Variants in VIL1 observed in about 807,000 individuals in gnomAD.
VIL1 encodes the protein villin-1.
Under a neutral mutation model 104.0 loss-of-function variants are expected in VIL1, and 86 were observed. The ratio of observed to expected loss-of-function variants is 0.83; its 90% confidence interval spans 0.69 to 0.99. The LOEUF (loss-of-function observed/expected upper bound fraction) is 0.99, where lower values mean the gene tolerates loss of function less well. Ranked by LOEUF, VIL1 falls within the 50% of genes least tolerant of loss-of-function variation. The pLI is 0.00. For missense variants in VIL1, 944 were observed against 1,054.1 expected (o/e 0.90, Z 1.45); for synonymous variants, 394 against 412.6 (o/e 0.95, Z 0.55).
intron 19 of VIL1, among the ~76,000 whole-genome samples, chr2:218,446,740 T>C (rs992251418): frequency 1.4e-5 from 2 of 147,988 alleles, no homozygotes; most frequent in Non-Finnish European, 3.0e-5. Flanking sequence ...GGAACATATG[T>C]TGTAATCAAG....
At chr2:218,448,990 A>G (rs945328228) in intron 19 of VIL1, among the ~76,000 whole-genome samples, 2 of 135,252 alleles carry the variant, frequency 1.5e-5, no homozygotes, top group Admixed American at 8.4e-5. Flanking sequence ...GGGCAACAGA[A>G]CAAGACATGG....
In VIL1 at chr2:218,434,650, C is replaced by T. The variant is rs768984890; in HGVS notation, c.1625C>T (p.Ser542Phe). 8 of 1,614,052 alleles carry T rather than the reference C, an allele frequency of 5.0e-6. No individual in the cohort carries two copies. The highest frequency in any genetic ancestry group is 5.9e-6 in the Non-Finnish European group (7 of 1,180,026). ...EVPARANFLN[S>F]NDVFVLKTQS... is the part of the protein sequence containing the mutation. The stretch of plus-strand genomic sequence containing the variant: ...CCAGCGCGGGCCAATTTCCTCAATT[C>T]CAATGATGTCTTTGTCCTCAAGACC... The change falls in exon 14 of 20, where the codon TCC becomes TTC. Residue 542 changes from serine to phenylalanine, a missense_variant. Ser to Phe is a radical substitution (Grantham distance 155, BLOSUM62 -2). Transcript: ENST00000248444.
At chr2:218,445,749 G>A (rs1419756845) in intron 19 of VIL1, among the ~76,000 whole-genome samples, 1 of 152,078 alleles carries the variant, frequency 6.6e-6, no homozygotes, top group Non-Finnish European at 1.5e-5. Flanking sequence ...AGAGATGAAG[G>A]CAGGGAGATG....
chr2:218,423,867 TG>T lies in VIL1; in HGVS notation c.75+17del, dbSNP rs1195963359. 2 of 1,613,958 alleles carry T rather than the reference TG, an allele frequency of 1.2e-6. No homozygotes were observed. Among genetic ancestry groups the T allele is most frequent in the Admixed American group, 3.3e-5 (2 of 60,000 alleles). ...TGGAGGATCGAGGTGAGGCCCTGTCTGGGCATGGGGGCTGCTCAGGCCTGGG... is the reference window on the plus strand; with the variant it reads ...TGGAGGATCGAGGTGAGGCCCTGTCTGGCATGGGGGCTGCTCAGGCCTGGG... On this transcript the variant is annotated intron_variant, in intron 2 of 19. Coordinates refer to ENST00000248444, the MANE Select transcript of VIL1 (RefSeq NM_007127.3).
At chr2:218,437,458 C>T (rs753970751) in intron 17 of VIL1, 146 bp downstream of exon 17, 116 of 1,104,976 alleles carry the variant, frequency 1.0e-4, no homozygotes, top group Non-Finnish European at 1.4e-4. Context: ...AGTAAGGCTG[C>T]ACTAAGGCCA....
rs1689055239 is a variant in VIL1, at chr2:218,429,360, A to G, written c.643A>G (p.Asn215Asp). The G allele has an allele frequency of 6.2e-7, 1 of 1,614,052 alleles. No individual in the cohort carries two copies. Among genetic ancestry groups the G allele is most frequent in the Non-Finnish European group, 8.5e-7 (1 of 1,180,012 alleles). Residue 215 changes from asparagine (N) to aspartate (D), a missense_variant, in exon 7 of 20, where the codon AAT becomes GAT. Asn to Asp is a conservative substitution (Grantham distance 23). Coordinates refer to ENST00000248444, the MANE Select transcript of VIL1 (RefSeq NM_007127.3). ...RTYVGVVDGENELASPKLMEV... is the reference protein window; with the variant it reads ...RTYVGVVDGEDELASPKLMEV... ...CTATGTAGGCGTGGTGGACGGAGAG[A>G]ATGAATTGGCATCCCCGAAGCTGAT...
intron 19 of VIL1, among the ~76,000 whole-genome samples, chr2:218,445,545 C>G (rs879519908): frequency 5.9e-5 from 9 of 152,050 alleles, no homozygotes; most frequent in Admixed American, 6.6e-5. Flanking sequence ...AAGTTAGAGA[C>G]TGGAGCATCA....
At chr2:218,446,217 T>C (rs1436376408) in intron 19 of VIL1, among the ~76,000 whole-genome samples, 2 of 152,088 alleles carry the variant, frequency 1.3e-5, no homozygotes, top group African/African-American at 4.8e-5. Context: ...AAAAAACTGA[T>C]GAGGATTAAC....
In VIL1 at chr2:218,425,473, G is replaced by T. The variant is rs904971914; in HGVS notation, c.151-142G>T. ...ATGGTAGAGCTGGGCCATGACTCAG[G>T]GCTCCTAACCGCCAGCCTAGTGCAC... is the stretch of plus-strand genomic sequence containing the variant. On this transcript the variant is annotated intron_variant, in intron 3 of 19. Coordinates refer to ENST00000248444, the MANE Select transcript of VIL1 (RefSeq NM_007127.3). The T allele has an allele frequency of 2.1e-5, 15 of 719,372 alleles. No homozygotes were observed. In the South Asian group the frequency reaches 2.6e-4, roughly 12 times the overall value. 44.6% of individuals were successfully genotyped at this position (719,372 alleles called of 1,614,324 possible).
At position 218,434,712 on chromosome 2, in the gene VIL1, T is replaced by G. The variant is rs375997010; in HGVS notation, c.1680+7T>G. Reference sequence around the variant, plus strand: ...CTATCTATGGTGTGGGAAGGTGTGTTCAGGGTCTAGAGGCCTCCCCATCCG... The same window carrying G: ...CTATCTATGGTGTGGGAAGGTGTGTGCAGGGTCTAGAGGCCTCCCCATCCG... On this transcript the variant is annotated splice_region_variant and intron_variant, in intron 14 of 19. Coordinates refer to ENST00000248444, the MANE Select transcript of VIL1 (RefSeq NM_007127.3). The G allele has an allele frequency of 2.1e-5, 34 of 1,610,134 alleles. No individual in the cohort carries two copies. Among genetic ancestry groups the G allele is most frequent in the Non-Finnish European group, 2.8e-5 (33 of 1,177,890 alleles).
chr2:218,420,770 A>G (rs1036727714), intron 1 of VIL1, among the ~76,000 whole-genome samples: 11 of 152,002 alleles, frequency 7.2e-5, no homozygotes, highest in Non-Finnish European at 1.5e-4. Flanking sequence ...TATTTTTAGT[A>G]GAGACAGGGT....
chr2:218,448,053 G>A (rs1689394340), intron 19 of VIL1, among the ~76,000 whole-genome samples: 1 of 151,776 alleles, frequency 6.6e-6, no homozygotes, highest in Non-Finnish European at 1.5e-5. Flanking sequence ...TGAGCTCAGG[G>A]GTTCCAGACC....
chr2:218,426,893 T>C (rs890030296), intron 4 of VIL1, among the ~76,000 whole-genome samples: 25 of 152,270 alleles, frequency 1.6e-4, no homozygotes, highest in Non-Finnish European at 3.4e-4. Flanking sequence ...TGAGCCACCA[T>C]GCCTGGCCAG....
At chr2:218,433,734 C>T in intron 13 of VIL1, among the ~76,000 whole-genome samples, 1 of 152,092 alleles carries the variant, frequency 6.6e-6, no homozygotes, top group East Asian at 1.9e-4. Flanking sequence ...TGGCAAAACT[C>T]TGTCTCTACT....
intron 19 of VIL1, among the ~76,000 whole-genome samples, chr2:218,447,782 CA>C (rs1689390875): frequency 1.3e-5 from 2 of 151,710 alleles, no homozygotes; most frequent in African/African-American, 4.8e-5. Flanking sequence ...GGTTGGAGTA[CA>C]GTGGCACAAT....
At position 218,453,065 on chromosome 2, in the gene VIL1, T is replaced by A. The variant is rs1184453451; in HGVS notation, c.*3729T>A. ...CATTACAATAAGGTATATAGGTAGA[T>A]GGTAGGAGGCAAAGCATTTATCAGT... On this transcript the variant is annotated 3_prime_UTR_variant, in exon 20 of 20. Coordinates refer to ENST00000248444, the MANE Select transcript of VIL1 (RefSeq NM_007127.3). The A allele has an allele frequency of 1.3e-5, 2 of 152,214 alleles. No homozygotes were observed. Among genetic ancestry groups the A allele is most frequent in the Non-Finnish European group, 2.9e-5 (2 of 68,032 alleles). The allele number at this position is 152,214 out of a possible 1,614,324, so 9.4% of individuals were successfully genotyped here. A position where few individuals can be genotyped will look rare whatever the true frequency, so the allele number is the denominator to read the frequency against.
intron 2 of VIL1, 127 bp downstream of exon 2, chr2:218,423,980 C>G: frequency 9.6e-7 from 1 of 1,044,404 alleles, no homozygotes; most frequent in South Asian, 1.4e-5. Flanking sequence ...GAGCTCAGCC[C>G]CTCACCTCCC....
rs145006997 is a variant in VIL1, at chr2:218,432,054, C to T, written c.1212C>T (p.Arg404=). 1.1e-5 allele frequency: 17 copies of T among 1,613,916 alleles called. No individual in the cohort carries two copies. In the African/African-American group the frequency reaches 2.0e-4, roughly 19 times the overall value. Residue 404 remains arginine (R), a synonymous_variant, in exon 12 of 20, where the codon CGC becomes CGT. Transcript: ENST00000248444. The part of the protein sequence containing the change: ...DDGSGEVQVW[R]IENLELVPVD... ...CCTGATACTGGCCCTAGGTGTGGCGCATTGAGAACCTAGAGCTGGTACCTG... is the reference window on the plus strand; with the variant it reads ...CCTGATACTGGCCCTAGGTGTGGCGTATTGAGAACCTAGAGCTGGTACCTG...
chr2:218,446,227 C>T (rs1689361709), intron 19 of VIL1, among the ~76,000 whole-genome samples: 1 of 151,994 alleles, frequency 6.6e-6, no homozygotes, highest in South Asian at 2.1e-4. Context: ...TGAGGATTAA[C>T]AAGTTGTCTT....
Sources: gnomAD v4.1 joint callset for allele counts (sites outside exome capture counted in the v4.1 genomes callset) on GRCh38, gnomAD v4.1.1 for gene constraint, MANE v1.5 for transcripts, NCBI Gene and HGNC (gene_info 2026-07-23, HGNC 2026-07-21) for gene names.